Variants in RIMKLA observed in about 807,000 individuals in gnomAD.
RIMKLA encodes N-acetylaspartylglutamate synthase A.
RIMKLA carries 14 observed loss-of-function variants against 32.7 expected under a neutral mutation model. The observed-to-expected ratio is 0.43, with a 90% CI of 0.28 to 0.67. The LOEUF is 0.67. RIMKLA is among the 30% of genes least tolerant of loss of function. The probability of loss-of-function intolerance (pLI) is 0.18; values close to 1 mark genes in which losing one functional copy is unlikely to be tolerated. For synonymous variants in RIMKLA, 176 were observed against 204.1 expected, an observed-to-expected ratio of 0.86 and a Z score of 1.18; for missense variants, 410 against 519.0, an observed-to-expected ratio of 0.79 and a Z score of 2.04.
intron 1 of RIMKLA, among the ~76,000 whole-genome samples, chr1:42,386,373 C>G (rs1180638762): frequency 6.6e-6 from 1 of 152,074 alleles, no homozygotes; most frequent in African/African-American, 2.4e-5. Flanking sequence ...TGCCACTACC[C>G]TCACTAGCAG....
rs1406066370 is a variant in RIMKLA at position 42,418,332 on chromosome 1, G to A, written c.*3358G>A. On this transcript the variant is annotated 3_prime_UTR_variant, in exon 5 of 5. Coordinates refer to ENST00000431473, the MANE Select transcript of RIMKLA (RefSeq NM_173642.4). The stretch of plus-strand genomic sequence containing the variant: ...ATCGGGTATGGGGTTGCCAGAATGA[G>A]GATTTGGGGCTTTAGGTCTTTCGGA... 1.3e-5 allele frequency: 2 copies of A among 152,142 alleles called. No homozygotes were observed. The highest frequency in any genetic ancestry group is 2.9e-5 in the Non-Finnish European group (2 of 68,036). The allele number at this position is 152,142 out of a possible 1,614,324, so 9.4% of individuals were successfully genotyped here.
intron 1 of RIMKLA, among the ~76,000 whole-genome samples, chr1:42,395,571 T>C (rs888538069): frequency 2.0e-5 from 3 of 152,144 alleles, no homozygotes; most frequent in African/African-American, 7.2e-5. Context: ...TTCCTTCTGT[T>C]GACTAGCAAC....
intron 4 of RIMKLA, 38 bp from the exon 5 acceptor site, chr1:42,414,446 T>C: frequency 2.5e-6 from 4 of 1,600,726 alleles, no homozygotes; most frequent in Non-Finnish European, 3.4e-6. Context: ...ATCTGACTTC[T>C]CAGTTGTCAC....
intron 1 of RIMKLA, among the ~76,000 whole-genome samples, chr1:42,382,239 C>T (rs1049889232): frequency 2.6e-5 from 4 of 152,112 alleles, no homozygotes; most frequent in African/African-American, 9.7e-5. Context: ...ACATTAGGTA[C>T]CTTACATTTA....
chr1:42,415,135 C>A lies in RIMKLA; in HGVS notation c.*161C>A. 1.3e-6 allele frequency: 1 copy of A among 745,574 alleles called. No individual in the cohort carries two copies. The highest frequency in any genetic ancestry group is 2.1e-6 in the Non-Finnish European group (1 of 470,798). 46.2% of individuals were successfully genotyped at this position (745,574 alleles called of 1,614,324 possible). On this transcript the variant is annotated 3_prime_UTR_variant, in exon 5 of 5. Coordinates refer to ENST00000431473, the MANE Select transcript of RIMKLA (RefSeq NM_173642.4). ...ACGATGATTTAAGCAAATGGCCTAG[C>A]TTTGTGGTTTTTACAAAGACAAATA...
intron 1 of RIMKLA, among the ~76,000 whole-genome samples, chr1:42,394,547 G>A (rs932647103): frequency 9.2e-5 from 14 of 152,100 alleles, no homozygotes; most frequent in South Asian, 6.2e-4. Flanking sequence ...AATCTTGTCC[G>A]AATTCAAATC....
In RIMKLA at chr1:42,381,015, G is replaced by A; in HGVS notation, c.81G>A (p.Arg27=). ...AGGTGCAGATCCTGCGCGCCCTCCG[G>A]CAGCGCTGCTCCGAGCAGGACGTGC... ...YPQVQILRAL[R]QRCSEQDVRF... The change falls in exon 1 of 5, where the codon CGG becomes CGA. Residue 27 remains arginine, a synonymous_variant. Transcript: ENST00000431473. 1 of 1,426,342 alleles carries A rather than the reference G, an allele frequency of 7.0e-7. No homozygotes were observed. Among genetic ancestry groups the A allele is most frequent in the Non-Finnish European group, 9.2e-7 (1 of 1,089,056 alleles). 88.4% of individuals were successfully genotyped at this position (1,426,342 alleles called of 1,614,324 possible). A position where few individuals can be genotyped will look rare whatever the true frequency, so the allele number is the denominator to read the frequency against.
rs1643277607 is a variant in RIMKLA at position 42,419,527 on chromosome 1, A to AT, written c.*4555dup. 6.6e-6 allele frequency: 1 copy of AT among 152,256 alleles called. No individual in the cohort carries two copies. Among genetic ancestry groups the AT allele is most frequent in the African/African-American group, 2.4e-5 (1 of 41,468 alleles). The allele number at this position is 152,256 out of a possible 1,614,324, so 9.4% of individuals were successfully genotyped here. A position where few individuals can be genotyped will look rare whatever the true frequency, so the allele number is the denominator to read the frequency against. Reference sequence around the variant, plus strand: ...AGCAAGGCTGGACTCAGGCAGTCTGATTCCTCATCCACTTTGGCATACTGC... The same window carrying AT: ...AGCAAGGCTGGACTCAGGCAGTCTGATTTCCTCATCCACTTTGGCATACTGC... On this transcript the variant is annotated 3_prime_UTR_variant, in exon 5 of 5. Coordinates refer to ENST00000431473, the MANE Select transcript of RIMKLA (RefSeq NM_173642.4).
Position 42,414,381 on chromosome 1 carries a change from C to T in RIMKLA, c.686-103C>T, listed in dbSNP as rs145239516. 38 of 1,200,808 alleles carry T rather than the reference C, an allele frequency of 3.2e-5. No individual in the cohort carries two copies. The East Asian group carries it at 3.8e-4, about 12-fold the overall frequency. The allele number at this position is 1,200,808 out of a possible 1,614,324, so 74.4% of individuals were successfully genotyped here. A position where few individuals can be genotyped will look rare whatever the true frequency, so the allele number is the denominator to read the frequency against. On this transcript the variant is annotated intron_variant, in intron 4 of 4. Coordinates refer to ENST00000431473, the MANE Select transcript of RIMKLA (RefSeq NM_173642.4). The stretch of plus-strand genomic sequence containing the variant: ...ATCCAGACCTTTTGTGATTAATGAT[C>T]GAGCCTCTCTTTCTGCCCCTCCTGG...
chr1:42,396,768 CT>C (rs1643051882), intron 1 of RIMKLA, among the ~76,000 whole-genome samples: 1 of 151,016 alleles, frequency 6.6e-6, no homozygotes, highest in African/African-American at 2.4e-5. Context: ...AGAATGTCTT[CT>C]GTGTAGTAAT....
At chr1:42,386,769 C>T (rs1642951849) in intron 1 of RIMKLA, among the ~76,000 whole-genome samples, 1 of 151,410 alleles carries the variant, frequency 6.6e-6, no homozygotes, top group African/African-American at 2.4e-5. Flanking sequence ...CCTGTAAATC[C>T]AGCTACTCGG....
chr1:42,420,372 C>T lies in RIMKLA; in HGVS notation c.*5398C>T, dbSNP rs920281596. ...ACGTGGGAAGGAATGGCAGATGCTA[C>T]AACAGTGCAGACTCGGCACCCCATT... On this transcript the variant is annotated 3_prime_UTR_variant, in exon 5 of 5. Transcript: ENST00000431473. 49 of 152,194 alleles carry T rather than the reference C, an allele frequency of 3.2e-4. No homozygotes were observed. Among genetic ancestry groups the T allele is most frequent in the African/African-American group, 1.2e-3 (48 of 41,430 alleles). 9.4% of individuals were successfully genotyped at this position (152,194 alleles called of 1,614,324 possible). A position where few individuals can be genotyped will look rare whatever the true frequency, so the allele number is the denominator to read the frequency against.
intron 1 of RIMKLA, among the ~76,000 whole-genome samples, chr1:42,384,596 T>C (rs866274626): frequency 1.3e-4 from 17 of 132,912 alleles, no homozygotes; most frequent in Non-Finnish European, 2.0e-4. Context: ...TGTATATATG[T>C]ATATATGTAT....
In RIMKLA at chr1:42,415,086, T is replaced by C. The variant is rs1238598790; in HGVS notation, c.*112T>C. 1 of 1,182,696 alleles carries C rather than the reference T, an allele frequency of 8.5e-7. No individual in the cohort carries two copies. Among genetic ancestry groups the C allele is most frequent in the Non-Finnish European group, 1.2e-6 (1 of 848,186 alleles). 73.3% of individuals were successfully genotyped at this position (1,182,696 alleles called of 1,614,324 possible). A position where few individuals can be genotyped will look rare whatever the true frequency, so the allele number is the denominator to read the frequency against. On this transcript the variant is annotated 3_prime_UTR_variant, in exon 5 of 5. Transcript: ENST00000431473. ...ATTTGCACAGAAACTAGAAATCCCATCTGGGCACTCAGCATTTTTTCTAAC... is the reference window on the plus strand; with the variant it reads ...ATTTGCACAGAAACTAGAAATCCCACCTGGGCACTCAGCATTTTTTCTAAC...
chr1:42,414,280 T>C (rs1643226615), intron 4 of RIMKLA, among the ~76,000 whole-genome samples: 1 of 152,138 alleles, frequency 6.6e-6, no homozygotes, highest in Non-Finnish European at 1.5e-5. Flanking sequence ...GTAGGATGGC[T>C]GAGTCAGAGG....
At chr1:42,389,583 G>A (rs1642978936) in intron 1 of RIMKLA, among the ~76,000 whole-genome samples, 1 of 152,112 alleles carries the variant, frequency 6.6e-6, no homozygotes, top group Non-Finnish European at 1.5e-5. Context: ...AGGCCGAGGT[G>A]GGCGAATCAC....
chr1:42,401,059 G>GA (rs1448820309), intron 2 of RIMKLA, among the ~76,000 whole-genome samples: 1 of 152,116 alleles, frequency 6.6e-6, no homozygotes, highest in African/African-American at 2.4e-5. Context: ...GGGGTGGGGT[G>GA]GGGGAGGATG....
intron 2 of RIMKLA, among the ~76,000 whole-genome samples, chr1:42,403,194 TC>T (rs1473175587): frequency 2.8e-5 from 3 of 108,750 alleles, no homozygotes; most frequent in South Asian, 2.7e-4. Context: ...GAACTTAGTT[TC>T]CCCTGTGCTA....
chr1:42,400,555 A>G (rs899596027), intron 2 of RIMKLA, among the ~76,000 whole-genome samples: 2 of 152,234 alleles, frequency 1.3e-5, no homozygotes, highest in Admixed American at 1.3e-4. Context: ...ATTTATATGA[A>G]GAGTTTGGAG....
Sources: allele counts gnomAD v4.1 joint callset (sites outside exome capture counted in the v4.1 genomes callset), GRCh38; gene constraint gnomAD v4.1.1; transcripts MANE v1.5; gene names NCBI Gene and HGNC (gene_info 2026-07-23, HGNC 2026-07-21).